Variants in CENPE observed in about 807,000 individuals in gnomAD.
CENPE encodes the protein centromere protein E.
In CENPE, 145 loss-of-function variants were observed where a neutral mutation model predicts 336.1. The observed-to-expected ratio is 0.43, with a 90% CI of 0.38 to 0.50. The LOEUF (loss-of-function observed/expected upper bound fraction) is 0.50. Ranked by LOEUF, CENPE falls within the 20% of genes least tolerant of loss-of-function variation. The pLI is 0.00. For synonymous variants in CENPE, 1,013 were observed against 984.8 expected, an observed-to-expected ratio of 1.03 and a Z score of -0.54; for missense variants, 2,719 against 3,023.3, an observed-to-expected ratio of 0.90 and a Z score of 2.36.
At chr4:103,113,576 TTA>T (rs996705956) in intron 46 of CENPE, among the ~76,000 whole-genome samples, 1 of 142,496 alleles carries the variant, frequency 7.0e-6, no homozygotes, top group African/African-American at 2.6e-5. Context: ...AATATATATT[TTA>T]TATTACTTAT....
intron 8 of CENPE, among the ~76,000 whole-genome samples, chr4:103,188,022 C>A (rs959053155): frequency 1.3e-4 from 20 of 151,726 alleles, no homozygotes; most frequent in Non-Finnish European, 2.2e-4. Context: ...AGACTTTAAA[C>A]CAACAAAGAT....
At chr4:103,166,428 G>C (rs1349300686) in intron 16 of CENPE, among the ~76,000 whole-genome samples, 1 of 152,060 alleles carries the variant, frequency 6.6e-6, no homozygotes, top group Non-Finnish European at 1.5e-5. Context: ...AAAGTCCAAT[G>C]GTTTTGTCAT....
At chr4:103,157,203 G>C (rs1364398142) in intron 24 of CENPE, among the ~76,000 whole-genome samples, 1 of 151,772 alleles carries the variant, frequency 6.6e-6, no homozygotes, top group Non-Finnish European at 1.5e-5. Flanking sequence ...ATTAAAAATA[G>C]AATTACCATA....
In CENPE at chr4:103,194,357, T is replaced by G; in HGVS notation, c.627+17A>C. ...TTCTTACTTGGAAAGATCTAACAGA[T>G]AGATAGAATTACCTACCATCCTAAA... On this transcript the variant is annotated intron_variant, in intron 7 of 48. Transcript: ENST00000265148. 1 of 1,607,630 alleles carries G rather than the reference T, an allele frequency of 6.2e-7. No individual in the cohort carries two copies. The highest frequency in any genetic ancestry group is 8.5e-7 in the Non-Finnish European group (1 of 1,175,326).
At chr4:103,124,657 T>G (rs11730765) in intron 42 of CENPE, among the ~76,000 whole-genome samples, 2 of 152,052 alleles carry the variant, frequency 1.3e-5, no homozygotes, top group Non-Finnish European at 2.9e-5. Flanking sequence ...CTCTTTTATA[T>G]TGAAGGCTAA....
chr4:103,189,792 A>C (rs58228467), intron 8 of CENPE, among the ~76,000 whole-genome samples: 3 of 152,236 alleles, frequency 2.0e-5, no homozygotes, highest in East Asian at 3.9e-4. Flanking sequence ...TTCTGGCCAG[A>C]GCAATCAGGC....
chr4:103,128,415 C>A (rs1022673381), intron 42 of CENPE, among the ~76,000 whole-genome samples: 2 of 152,154 alleles, frequency 1.3e-5, no homozygotes, highest in African/African-American at 4.8e-5. Flanking sequence ...CATCTATCAA[C>A]TGGATGCAAT....
intron 42 of CENPE, among the ~76,000 whole-genome samples, chr4:103,127,594 T>A (rs1578564051): frequency 1.3e-5 from 2 of 152,290 alleles, no homozygotes; most frequent in South Asian, 2.1e-4. Context: ...TGTATGCTTA[T>A]GAATAAGTGA....
In CENPE at chr4:103,145,049, C is replaced by G; in HGVS notation, c.4857+1G>C. On this transcript the variant is annotated splice_donor_variant, in intron 32 of 48. Coordinates refer to ENST00000265148, the MANE Select transcript of CENPE (RefSeq NM_001813.3). LOFTEE classifies it high-confidence loss of function. Reference sequence around the variant, plus strand: ...AAAAAAAAAATAAGATGGGAACTTACTTTAGCTACAATTTCTTTAGTGTTT... The same window carrying G: ...AAAAAAAAAATAAGATGGGAACTTAGTTTAGCTACAATTTCTTTAGTGTTT... The G allele has an allele frequency of 6.7e-7, 1 of 1,484,956 alleles. No homozygotes were observed. 92.0% of individuals were successfully genotyped at this position (1,484,956 alleles called of 1,614,324 possible).
intron 42 of CENPE, among the ~76,000 whole-genome samples, chr4:103,127,511 G>A (rs1751229834): frequency 6.6e-6 from 1 of 152,104 alleles, no homozygotes; most frequent in Admixed American, 6.5e-5. Flanking sequence ...ATAAAGAAAG[G>A]AAGAGCACAA....
In CENPE at chr4:103,181,397, A is replaced by G; in HGVS notation, c.1023T>C (p.Asp341=). The G allele has an allele frequency of 6.4e-7, 1 of 1,569,284 alleles. No homozygotes were observed. The highest frequency in any genetic ancestry group is 1.4e-5 in the African/African-American group (1 of 72,814). ...NTPYVNEVST[D]EALLKRYRKE... is the part of the protein sequence containing the mutation. Reference sequence around the variant, plus strand: ...TTCTATACCTTTTCAGGAGAGCTTCATCAGTTGATACCTCATTAACATAAG... The same window carrying G: ...TTCTATACCTTTTCAGGAGAGCTTCGTCAGTTGATACCTCATTAACATAAG... The change falls in exon 12 of 49, where the codon GAT becomes GAC. Residue 341 remains aspartate (D), a synonymous_variant. Transcript: ENST00000265148.
rs1249754885 is a variant in CENPE, at chr4:103,108,806, G to A, written c.8008C>T (p.Pro2670Ser). 6.2e-7 allele frequency: 1 copy of A among 1,612,740 alleles called. No individual in the cohort carries two copies. The highest frequency in any genetic ancestry group is 1.1e-5 in the South Asian group (1 of 90,966). Reference sequence around the variant, plus strand: ...AGTAACCAGTATATTTACTTACCTGGACAAAGGCCTAAACTTGAGTTATCA... The same window carrying A: ...AGTAACCAGTATATTTACTTACCTGAACAAAGGCCTAAACTTGAGTTATCA... Reference protein sequence around the residue: ...YFDNSSLGLCPEVQNAGAESV... With the variant: ...YFDNSSLGLCSEVQNAGAESV... The change falls in exon 48 of 49, where the codon CCA (proline) becomes TCA (serine). Residue 2670 changes from proline (P) to serine (S), a missense_variant. Physicochemically the swap from Pro to Ser is moderately conservative, Grantham distance 74. Transcript: ENST00000265148.
At chr4:103,184,358 A>C (rs1756572127) in intron 9 of CENPE, among the ~76,000 whole-genome samples, 1 of 152,216 alleles carries the variant, frequency 6.6e-6, no homozygotes, top group South Asian at 2.1e-4. Context: ...AAGCATTATG[A>C]ACTATTCATT....
rs199586917 is a variant in CENPE, at chr4:103,185,872, G to A, written c.694-11C>T. On this transcript the variant is annotated splice_polypyrimidine_tract_variant and intron_variant, in intron 8 of 48. Transcript: ENST00000265148. ...AAGATCAACCAAATTCTGTAAGATA[G>A]ATAAAAATAAATCCTTAGGGCAGAT... is the stretch of plus-strand genomic sequence containing the variant. The A allele has an allele frequency of 5.0e-6, 8 of 1,593,240 alleles. No individual in the cohort carries two copies. The East Asian group carries it at 1.6e-4, about 31-fold the overall frequency.
Position 103,147,427 on chromosome 4 carries a change from T to C in CENPE, c.4063A>G (p.Lys1355Glu), listed in dbSNP as rs141488085. The stretch of plus-strand genomic sequence containing the variant: ...ACTTCAAGGGCTTCTTTTATCGTTT[T>C]AAGGTTGTCTCTTTCCTTGGTTAGA... ...KSLTKERDNL[K>E]TIKEALEVKH... is the part of the protein sequence containing the mutation. Residue 1355 changes from lysine (K) to glutamate (E), a missense_variant, in exon 29 of 49, where the codon AAA becomes GAA. By Grantham distance (56) the Lys-to-Glu change is moderately conservative (BLOSUM62 1). Around this residue, in one of 5 missense-constraint regions of CENPE, gnomAD observed 2,437 missense variants for 2,513.3 expected, o/e 0.97. Transcript: ENST00000265148. The C allele has an allele frequency of 1.9e-4, 307 of 1,613,980 alleles. 1 individual carries two copies. Among genetic ancestry groups the C allele is most frequent in the Middle Eastern group, 1.0e-3 (6 of 5,970 alleles).
intron 47 of CENPE, 99 bp downstream of exon 47, chr4:103,110,729 G>T: frequency 1.3e-6 from 1 of 770,468 alleles, no homozygotes; most frequent in Non-Finnish European, 1.9e-6. Flanking sequence ...CATAATGACT[G>T]AAGTGTTACC....
chr4:103,142,033 A>G, intron 34 of CENPE, 125 bp from the exon 35 acceptor site: 1 of 643,180 alleles, frequency 1.6e-6, no homozygotes, highest in South Asian at 2.1e-5. Flanking sequence ...TGTTGTTTTT[A>G]AGGTACAGGC....
Position 103,181,379 on chromosome 4 carries a change from C to A in CENPE, c.1041G>T (p.Arg347Ser). Residue 347 changes from arginine (R) to serine (S), a missense_variant, in exon 12 of 49, where the codon AGG (arginine) becomes AGT (serine). This residue lies in a region of CENPE where 117 missense variants were observed against 215.8 expected (regional missense o/e 0.54). Coordinates refer to ENST00000265148, the MANE Select transcript of CENPE (RefSeq NM_001813.3). ...TAAGATCCATTATTTCTTTTCTATACCTTTTCAGGAGAGCTTCATCAGTTG... is the reference window on the plus strand; with the variant it reads ...TAAGATCCATTATTTCTTTTCTATAACTTTTCAGGAGAGCTTCATCAGTTG... Reference protein sequence around the residue: ...EVSTDEALLKRYRKEIMDLKK... With the variant: ...EVSTDEALLKSYRKEIMDLKK... 1 of 1,559,352 alleles carries A rather than the reference C, an allele frequency of 6.4e-7. No homozygotes were observed. The highest frequency in any genetic ancestry group is 8.7e-7 in the Non-Finnish European group (1 of 1,145,384).
intron 44 of CENPE, 27 bp from the exon 45 acceptor site, chr4:103,116,716 AT>A: frequency 7.9e-7 from 1 of 1,262,558 alleles, no homozygotes; most frequent in South Asian, 1.4e-5. Context: ...GAAAATAAAA[AT>A]AATTATTAGA....
Sources: gnomAD v4.1 joint callset for allele counts (sites outside exome capture counted in the v4.1 genomes callset) on GRCh38, gnomAD v4.1.1 for gene constraint, gnomAD v4.1.1 regional missense constraint, MANE v1.5 for transcripts, NCBI Gene and HGNC (gene_info 2026-07-23, HGNC 2026-07-21) for gene names.